The following RNF115 variants were observed in gnomAD, a reference collection of about 807,000 sequenced individuals.
The protein encoded by RNF115 is E3 ubiquitin-protein ligase RNF115.
Under a neutral mutation model 39.2 loss-of-function variants are expected in RNF115, and 31 were observed. The ratio of observed to expected loss-of-function variants is 0.79; its 90% confidence interval spans 0.59 to 1.07. RNF115 has a LOEUF of 1.07. Among genes scored for constraint, RNF115 ranks in the 50% least tolerant of loss-of-function variants. The probability of loss-of-function intolerance (pLI) is 0.00; values close to 1 mark genes in which losing one functional copy is unlikely to be tolerated. For synonymous variants in RNF115, 124 were observed against 131.0 expected (o/e 0.95, Z 0.37); for missense variants, 384 against 381.7 (o/e 1.01, Z -0.05).
At chr1:145,773,369 G>A (rs1647730600) in intron 3 of RNF115, 1 of 151,752 alleles carries the variant, frequency 6.6e-6, no homozygotes, top group Non-Finnish European at 1.5e-5. Context: ...TGTAATTCCA[G>A]CTACTCAGGA....
chr1:145,779,607 TGA>T (rs1374846081), intron 3 of RNF115, among the ~76,000 whole-genome samples: 4 of 152,108 alleles, frequency 2.6e-5, no homozygotes, highest in African/African-American at 7.2e-5. Flanking sequence ...ACATGAGAAA[TGA>T]GAAGTATTTT....
chr1:145,816,809 C>T (rs1456388668), intron 1 of RNF115, among the ~76,000 whole-genome samples: 2 of 138,062 alleles, frequency 1.4e-5, no homozygotes, highest in African/African-American at 5.0e-5. Context: ...GTCTCTGTTG[C>T]CCAGGCTGGA....
intron 4 of RNF115, among the ~76,000 whole-genome samples, chr1:145,762,309 T>G (rs1553713960): frequency 6.6e-6 from 1 of 152,200 alleles, no homozygotes; most frequent in African/African-American, 2.4e-5. Flanking sequence ...AATGACATGG[T>G]TTGGCTGCTG....
chr1:145,763,376 C>CA (rs1196562907), intron 4 of RNF115, among the ~76,000 whole-genome samples: 1 of 151,838 alleles, frequency 6.6e-6, no homozygotes, highest in African/African-American at 2.4e-5. Flanking sequence ...TAAAGTGTAA[C>CA]AAAAAAACAA....
At chr1:145,798,001 T>A (rs138839758) in intron 1 of RNF115, among the ~76,000 whole-genome samples, 1 of 152,260 alleles carries the variant, frequency 6.6e-6, no homozygotes, top group African/African-American at 2.4e-5. Context: ...GTTTATTTGA[T>A]TTTTTGTTGT....
At chr1:145,763,503 G>T (rs1241006986) in intron 4 of RNF115, among the ~76,000 whole-genome samples, 2 of 152,194 alleles carry the variant, frequency 1.3e-5, no homozygotes, top group Non-Finnish European at 2.9e-5. Flanking sequence ...TTCGAGACCA[G>T]CCTGGCCAAC....
At chr1:145,780,799 C>G (rs1462121872) in intron 3 of RNF115, among the ~76,000 whole-genome samples, 1 of 151,946 alleles carries the variant, frequency 6.6e-6, no homozygotes, top group African/African-American at 2.4e-5. Context: ...TCCAGAAAGC[C>G]ATGTATCTTA....
chr1:145,816,550 G>A (rs1459489297), intron 1 of RNF115, among the ~76,000 whole-genome samples: 1 of 103,066 alleles, frequency 9.7e-6, no homozygotes, highest in Non-Finnish European at 2.2e-5. Flanking sequence ...AAAAAGAAGA[G>A]AAGAGTTATT....
chr1:145,824,013 T>C lies in RNF115; in HGVS notation c.-140A>G, dbSNP rs982433105. The C allele has an allele frequency of 3.5e-6, 2 of 577,124 alleles. No individual in the cohort carries two copies. Among genetic ancestry groups the C allele is most frequent in the African/African-American group, 4.0e-5 (2 of 50,168 alleles). The allele number at this position is 577,124 out of a possible 1,614,324, so 35.8% of individuals were successfully genotyped here. On this transcript the variant is annotated 5_prime_UTR_variant, in exon 1 of 9. Coordinates refer to ENST00000582693, the MANE Select transcript of RNF115 (RefSeq NM_014455.4). The stretch of plus-strand genomic sequence containing the variant: ...CAGAGCCCGCGTCGGTCACGTGAGT[T>C]GGCCAGGCCCAGAAACGCGGCGGCG...
Position 145,744,761 on chromosome 1 carries a change from C to T in RNF115, c.*2105G>A, listed in dbSNP as rs888658510. On this transcript the variant is annotated 3_prime_UTR_variant, in exon 9 of 9. Transcript: ENST00000582693. ...TTGTTGTGTGACAATACAAATGGTG[C>T]CCCTCTGTACCTTTTTTTGGTACAC... 6.6e-6 allele frequency: 1 copy of T among 152,148 alleles called. No individual in the cohort carries two copies. The highest frequency in any genetic ancestry group is 2.4e-5 in the African/African-American group (1 of 41,426). The allele number at this position is 152,148 out of a possible 1,614,324, so 9.4% of individuals were successfully genotyped here.
chr1:145,766,712 G>A (rs1553714914), intron 4 of RNF115, among the ~76,000 whole-genome samples: 2 of 132,498 alleles, frequency 1.5e-5, no homozygotes, highest in East Asian at 2.4e-4. Flanking sequence ...GCGGCTGTCC[G>A]GGCAGAGGGG....
Position 145,753,006 on chromosome 1 carries a change from T to C in RNF115, c.472A>G (p.Ile158Val). 2 of 1,611,780 alleles carry C rather than the reference T, an allele frequency of 1.2e-6. No homozygotes were observed. The highest frequency in any genetic ancestry group is 8.5e-7 in the Non-Finnish European group (1 of 1,178,008). The change falls in exon 5 of 9, where the codon ATT becomes GTT. Residue 158 changes from isoleucine to valine, a missense_variant. Coordinates refer to ENST00000582693, the MANE Select transcript of RNF115 (RefSeq NM_014455.4). Reference protein sequence around the residue: ...IFAGFFANSAIPGSPHPFSWS... With the variant: ...IFAGFFANSAVPGSPHPFSWS... ...GAAAAAGGGTGTGGAGATCCAGGAA[T>C]GGCAGAATTTGCAAAGAATCCTGCA...
At chr1:145,798,096 G>A (rs1649064648) in intron 1 of RNF115, among the ~76,000 whole-genome samples, 2 of 152,132 alleles carry the variant, frequency 1.3e-5, no homozygotes. Flanking sequence ...TCCACAGGTT[G>A]CCTTTTCAAG....
intron 4 of RNF115, among the ~76,000 whole-genome samples, chr1:145,763,417 G>T (rs587753649): frequency 6.6e-6 from 1 of 152,280 alleles, no homozygotes; most frequent in Admixed American, 6.5e-5. Flanking sequence ...TAAAAATGGG[G>T]CTGGGCGCAG....
intron 4 of RNF115, among the ~76,000 whole-genome samples, chr1:145,765,695 T>TA (rs1452919870): frequency 3.9e-5 from 6 of 152,202 alleles, no homozygotes. Flanking sequence ...CAGATGCACT[T>TA]AAAGTCAGAT....
chr1:145,814,712 T>C (rs1553723211), intron 1 of RNF115, among the ~76,000 whole-genome samples: 2 of 152,172 alleles, frequency 1.3e-5, no homozygotes, highest in African/African-American at 4.8e-5. Flanking sequence ...TTCTTCCTTA[T>C]ACTGAAAAAG....
chr1:145,792,917 T>C (rs1648745131), intron 1 of RNF115, among the ~76,000 whole-genome samples: 1 of 152,230 alleles, frequency 6.6e-6, no homozygotes, highest in Non-Finnish European at 1.5e-5. Context: ...TACTGTAAAC[T>C]ACTCCAGAAA....
chr1:145,784,275 A>G (rs587746238), intron 3 of RNF115, among the ~76,000 whole-genome samples: 12 of 152,380 alleles, frequency 7.9e-5, no homozygotes, highest in Middle Eastern at 3.4e-3. Flanking sequence ...AACAAAGTAG[A>G]AAACAAGAAT....
chr1:145,753,149 A>G, intron 4 of RNF115, 100 bp from the exon 5 acceptor site: 1 of 736,770 alleles, frequency 1.4e-6, no homozygotes, highest in Non-Finnish European at 2.3e-6. Flanking sequence ...CTAAACCAAA[A>G]TGGCTTTTCA....
Sources: gnomAD v4.1 joint callset for allele counts (sites outside exome capture counted in the v4.1 genomes callset) on GRCh38, gnomAD v4.1.1 for gene constraint, MANE v1.5 for transcripts, NCBI Gene and HGNC (gene_info 2026-07-23, HGNC 2026-07-21) for gene names.